METTL15: variants seen among roughly 807,000 people sequenced by gnomAD.
METTL15 encodes 12S rRNA N(4)-cytidine methyltransferase METTL15.
A neutral mutation model predicts 38.3 loss-of-function variants in METTL15; 34 were observed. The ratio of observed to expected loss-of-function variants is 0.89; its 90% CI spans 0.68 to 1.18. The LOEUF is 1.18. Ranked by LOEUF, METTL15 falls within the 50% of genes most tolerant of loss-of-function variation. METTL15 has a pLI of 0.00. For synonymous variants in METTL15, 162 were observed against 170.9 expected, an observed-to-expected ratio of 0.95 and a Z score of 0.41; for missense variants, 438 against 498.4, an observed-to-expected ratio of 0.88 and a Z score of 1.15.
rs1856459831 is a variant in METTL15 at position 28,290,299 on chromosome 11, T to C, written c.501T>C (p.Leu167=). ...GVQPGTFDGV[L]MDLGCSSMQL... ...AGCCAGGAACTTTTGATGGAGTTCTTATGGATCTTGGGTGTTCCTCCATGC... is the reference window on the plus strand; with the variant it reads ...AGCCAGGAACTTTTGATGGAGTTCTCATGGATCTTGGGTGTTCCTCCATGC... Residue 167 remains leucine, a synonymous_variant, in exon 5 of 7, where the codon CTT becomes CTC. Coordinates refer to ENST00000407364, the MANE Select transcript of METTL15 (RefSeq NM_001113528.2). 6.2e-7 allele frequency: 1 copy of C among 1,613,458 alleles called. No homozygotes were observed. The highest frequency in any genetic ancestry group is 1.1e-5 in the South Asian group (1 of 91,074).
At chr11:28,328,551 T>G (rs1427968902) in intron 6 of METTL15, among the ~76,000 whole-genome samples, 1 of 152,112 alleles carries the variant, frequency 6.6e-6, no homozygotes, top group Non-Finnish European at 1.5e-5. Flanking sequence ...AGATCTTCAT[T>G]AAGAACAAAT....
rs1851513718 is a variant in METTL15 at position 28,493,537 on chromosome 11, A to G, written c.*425-32941A>G. ...AAATTAAACATCGACTCTGGTTATT[A>G]TTAAAATTCTGAAAATTCTGGGCAG... On this transcript the variant is annotated intron_variant and NMD_transcript_variant, in intron 6 of 7. Transcript: ENST00000532947. Among the ~76,000 whole-genome samples, 5 of 152,214 alleles carry G rather than the reference A, an allele frequency of 3.3e-5. No individual in the cohort carries two copies. The South Asian group carries it at 1.0e-3, about 31-fold the overall frequency.
rs1372355213 is a variant in METTL15, at chr11:28,474,830, GTT to G, written c.*424+50468_*424+50469del. 2.0e-5 allele frequency among the ~76,000 whole-genome samples: 3 copies of G among 152,156 alleles called. No individual in the cohort carries two copies. The East Asian group carries it at 5.8e-4, about 29-fold the overall frequency. On this transcript the variant is annotated intron_variant and NMD_transcript_variant, in intron 6 of 7. Transcript: ENST00000532947. ...CCCAAGTGAGGGTGAATGGTGTGTT[GTT>G]TCAATACTATTTTAAACTCCCATGC... is the stretch of plus-strand genomic sequence containing the variant.
Position 28,488,851 on chromosome 11 carries a change from C to T in METTL15, c.*425-37627C>T, listed in dbSNP as rs1590392175. Among the ~76,000 whole-genome samples the T allele has an allele frequency of 9.2e-5, 14 of 152,188 alleles. No individual in the cohort carries two copies. The South Asian group carries it at 2.3e-3, about 25-fold the overall frequency. ...TTTATTCCATCTCTTCCTTCTGAAT[C>T]CCAACTCTAATCCTCTGGATCTTAG... is the stretch of plus-strand genomic sequence containing the variant. On this transcript the variant is annotated intron_variant and NMD_transcript_variant, in intron 6 of 7. Transcript: ENST00000532947.
chr11:28,413,226 A>G (rs190134052), intron 5 of METTL15, among the ~76,000 whole-genome samples: 56 of 152,074 alleles, frequency 3.7e-4, no homozygotes, highest in African/African-American at 1.3e-3. Flanking sequence ...ATCAAAACAG[A>G]TATTTAGTAG....
chr11:28,462,164 G>A (rs985940399), intron 6 of METTL15, among the ~76,000 whole-genome samples: 7 of 152,004 alleles, frequency 4.6e-5, no homozygotes, highest in African/African-American at 1.7e-4. Context: ...GCCAGAGAAG[G>A]GCTTGACGTA....
chr11:28,521,578 C>CT lies in METTL15; in HGVS notation c.*425-4900_*425-4899insT, dbSNP rs374663041. 3.1e-3 allele frequency among the ~76,000 whole-genome samples: 474 copies of CT among 152,152 alleles called. 1 individual carries two copies. Among genetic ancestry groups the CT allele is most frequent in the African/African-American group, 0.011 (463 of 41,510 alleles). On this transcript the variant is annotated intron_variant and NMD_transcript_variant, in intron 6 of 7. Transcript: ENST00000532947. Reference sequence around the variant, plus strand: ...GTGCTGAATATTTGATGTTTGTGGCCCTCCAGATTCACTTTCTATTTTTCT... The same window carrying CT: ...GTGCTGAATATTTGATGTTTGTGGCCTCTCCAGATTCACTTTCTATTTTTCT...
At chr11:28,373,983 C>A (rs911582373) in intron 5 of METTL15, among the ~76,000 whole-genome samples, 7 of 151,796 alleles carry the variant, frequency 4.6e-5, no homozygotes, top group Non-Finnish European at 8.8e-5. Context: ...TGTAGTTATG[C>A]GGCGTTATTT....
chr11:28,112,426 C>T (rs1428304670), intron 2 of METTL15, among the ~76,000 whole-genome samples: 1 of 152,114 alleles, frequency 6.6e-6, no homozygotes, highest in East Asian at 1.9e-4. Context: ...TAGTATCAAG[C>T]GGTGTTTACT....
At chr11:28,131,829 G>A (rs942267362) in intron 3 of METTL15, among the ~76,000 whole-genome samples, 10 of 152,044 alleles carry the variant, frequency 6.6e-5, no homozygotes, top group African/African-American at 1.4e-4. Context: ...CTGATAAATC[G>A]GAAGTATTAC....
intron 3 of METTL15, among the ~76,000 whole-genome samples, chr11:28,194,883 C>T (rs147721705): frequency 3.1e-4 from 47 of 151,592 alleles, no homozygotes; most frequent in African/African-American, 6.8e-4. Context: ...TTCCAGTGTT[C>T]GTTATACCCC....
At chr11:28,390,004 G>T (rs950647930) in intron 5 of METTL15, among the ~76,000 whole-genome samples, 3 of 151,766 alleles carry the variant, frequency 2.0e-5, no homozygotes, top group Non-Finnish European at 4.4e-5. Context: ...ATTTTTTCAT[G>T]TGTCTTTTGG....
chr11:28,156,469 C>A (rs963706154), intron 3 of METTL15, among the ~76,000 whole-genome samples: 15 of 152,212 alleles, frequency 9.9e-5, no homozygotes, highest in Middle Eastern at 3.4e-3. Context: ...TTCAGTACAA[C>A]AGAATCTCAG....
In METTL15 at chr11:28,304,511, T is replaced by A. The variant is rs761991990; in HGVS notation, c.778+7580T>A. Reference sequence around the variant, plus strand: ...AGCAAGCTGATCTTGAGTCCAGGAGTTCGAAACTGGCCTGTTCAACATGGT... The same window carrying A: ...AGCAAGCTGATCTTGAGTCCAGGAGATCGAAACTGGCCTGTTCAACATGGT... On this transcript the variant is annotated intron_variant, in intron 6 of 6. Transcript: ENST00000407364. Among the ~76,000 whole-genome samples, 5 of 151,990 alleles carry A rather than the reference T, an allele frequency of 3.3e-5. No individual in the cohort carries two copies. The South Asian group carries it at 8.3e-4, about 25-fold the overall frequency.
At chr11:28,130,206 G>A (rs1852699430) in intron 3 of METTL15, among the ~76,000 whole-genome samples, 2 of 152,052 alleles carry the variant, frequency 1.3e-5, no homozygotes. Flanking sequence ...AGTTATTCGA[G>A]AGGCTGAGGT....
intron 6 of METTL15, among the ~76,000 whole-genome samples, chr11:28,328,555 A>C (rs1425716988): frequency 6.6e-6 from 1 of 152,110 alleles, no homozygotes; most frequent in Non-Finnish European, 1.5e-5. Flanking sequence ...CTTCATTAAG[A>C]ACAAATCTGT....
At chr11:28,170,573 G>C (rs1432225179) in intron 3 of METTL15, among the ~76,000 whole-genome samples, 1 of 152,142 alleles carries the variant, frequency 6.6e-6, no homozygotes, top group Non-Finnish European at 1.5e-5. Context: ...TAAACTAGGG[G>C]TGTATTATGC....
intron 3 of METTL15, among the ~76,000 whole-genome samples, chr11:28,160,292 T>G (rs534579601): frequency 1.2e-4 from 18 of 152,132 alleles, no homozygotes; most frequent in Admixed American, 6.6e-4. Flanking sequence ...ATATATATAT[T>G]CCGTTAGTTC....
intron 5 of METTL15, among the ~76,000 whole-genome samples, chr11:28,421,360 C>G (rs1850818861): frequency 6.6e-6 from 1 of 151,958 alleles, no homozygotes; most frequent in East Asian, 1.9e-4. Flanking sequence ...CAAACTCATT[C>G]TATGAGGCCA....
Sources: allele counts gnomAD v4.1 joint callset (sites outside exome capture counted in the v4.1 genomes callset), GRCh38; gene constraint gnomAD v4.1.1; transcripts MANE v1.5; gene names NCBI Gene and HGNC (gene_info 2026-07-23, HGNC 2026-07-21).